NALCN: variants seen among roughly 807,000 people sequenced by gnomAD.
The protein encoded by NALCN is sodium leak channel NALCN.
A neutral mutation model predicts 225.3 loss-of-function variants in NALCN; 111 were observed. The observed-to-expected ratio is 0.49, with a 90% confidence interval of 0.42 to 0.58. The LOEUF (loss-of-function observed/expected upper bound fraction) is 0.58, where lower values mean the gene tolerates loss of function less well. Among genes scored for constraint, NALCN ranks in the 20% least tolerant of loss-of-function variants. The pLI, the probability that NALCN is intolerant of heterozygous loss-of-function variation, is 0.00. For missense variants in NALCN, 1,378 were observed against 2,202.4 expected, an observed-to-expected ratio of 0.63 and a Z score of 7.49; for synonymous variants, 764 against 769.0, an observed-to-expected ratio of 0.99 and a Z score of 0.11.
intron 18 of NALCN, among the ~76,000 whole-genome samples, chr13:101,120,274 G>C (rs933032400): frequency 2.0e-5 from 3 of 152,158 alleles, no homozygotes; most frequent in Admixed American, 2.0e-4. Flanking sequence ...CCAGGGCTGA[G>C]AGCTGAGCCT....
At chr13:101,232,015 A>G (rs1444251013) in intron 12 of NALCN, among the ~76,000 whole-genome samples, 1 of 146,018 alleles carries the variant, frequency 6.8e-6, no homozygotes, top group South Asian at 2.2e-4. Context: ...TTTTTTTTTA[A>G]TCCCCAACGG....
intron 13 of NALCN, among the ~76,000 whole-genome samples, chr13:101,226,737 C>T (rs2041158761): frequency 6.6e-6 from 1 of 152,208 alleles, no homozygotes. Context: ...CAGGGCACTG[C>T]CATTTCTGGA....
At chr13:101,218,591 A>G (rs1242377195) in intron 13 of NALCN, among the ~76,000 whole-genome samples, 1 of 151,906 alleles carries the variant, frequency 6.6e-6, no homozygotes, top group Non-Finnish European at 1.5e-5. Context: ...GCCTGATGGG[A>G]GTGATTAGAT....
At position 101,107,498 on chromosome 13, in the gene NALCN, T is replaced by C. The variant is rs771603487; in HGVS notation, c.2568A>G (p.Ala856=). The change falls in exon 22 of 44, where the codon GCA becomes GCG. Residue 856 remains alanine, a synonymous_variant. Transcript: ENST00000251127. ...FRNFCRVVVR[A]RFNASKTDPV... The stretch of plus-strand genomic sequence containing the variant: ...TGAAGTGTACTTACGCGTTGAAGCG[T>C]GCTCGGACCACCACCCGGCAAAAGT... The C allele has an allele frequency of 1.9e-5, 31 of 1,613,986 alleles. No individual in the cohort carries two copies. The highest frequency in any genetic ancestry group is 2.5e-5 in the Non-Finnish European group (29 of 1,179,982).
chr13:101,226,766 C>T (rs1165446941), intron 13 of NALCN, among the ~76,000 whole-genome samples: 1 of 152,218 alleles, frequency 6.6e-6, no homozygotes, highest in East Asian at 1.9e-4. Context: ...CAATTTATGA[C>T]TCAGCTCTGC....
At chr13:101,081,027 T>C (rs2139505676) in intron 34 of NALCN, among the ~76,000 whole-genome samples, 1 of 152,130 alleles carries the variant, frequency 6.6e-6, no homozygotes, top group African/African-American at 2.4e-5. Flanking sequence ...TTTAGAGAAG[T>C]GGAGGCTAAA....
intron 42 of NALCN, 102 bp from the exon 43 acceptor site, chr13:101,058,158 G>A (rs1416261526): frequency 1.1e-6 from 1 of 945,038 alleles, no homozygotes; most frequent in African/African-American, 1.6e-5. Context: ...CAAGTGGGAA[G>A]AACAACATGG....
At chr13:101,398,931 G>A (rs901707057) in intron 2 of NALCN, 88 bp downstream of exon 2, 23 of 819,932 alleles carry the variant, frequency 2.8e-5, no homozygotes, top group Admixed American at 8.0e-5. Context: ...CAGATATTTC[G>A]AAGCCAAAGG....
intron 15 of NALCN, among the ~76,000 whole-genome samples, chr13:101,149,068 C>T (rs1457251956): frequency 2.6e-5 from 4 of 152,026 alleles, no homozygotes; most frequent in Non-Finnish European, 5.9e-5. Context: ...CCGAGGTGGG[C>T]GGATCACGAG....
At position 101,405,086 on chromosome 13, in the gene NALCN, C is replaced by G. The variant is rs192149188; in HGVS notation, c.-39-5921G>C. On this transcript the variant is annotated intron_variant, in intron 1 of 43. Transcript: ENST00000251127. ...TTTTAGTTCCAATAGCCACAGAACT[C>G]AAAACAACAAACCACTAAAATCTAC... Among the ~76,000 whole-genome samples the G allele has an allele frequency of 4.6e-5, 7 of 152,262 alleles. No individual in the cohort carries two copies. In the East Asian group the frequency reaches 1.4e-3, roughly 29 times the overall value.
intron 1 of NALCN, 71 bp downstream of exon 1, chr13:101,416,242 C>T (rs923929398): frequency 6.6e-6 from 1 of 152,160 alleles, no homozygotes; most frequent in African/African-American, 2.4e-5. Flanking sequence ...GAGCGCGCAT[C>T]GCGGGCCTCG....
chr13:101,065,521 A>G lies in NALCN; in HGVS notation c.4487T>C (p.Leu1496Pro). ...PTFRVKFLLR[L>P]LRGRLEVDLD... Reference sequence around the variant, plus strand: ...GTCCACCTCCAGCCTCCCACGCAGTAGCCGCAGCAGGAACTTGACGCGGAA... The same window carrying G: ...GTCCACCTCCAGCCTCCCACGCAGTGGCCGCAGCAGGAACTTGACGCGGAA... Residue 1496 changes from leucine (L) to proline (P), a missense_variant, in exon 40 of 44, where the codon CTA becomes CCA. Coordinates refer to ENST00000251127, the MANE Select transcript of NALCN (RefSeq NM_052867.4). The G allele has an allele frequency of 6.2e-7, 1 of 1,614,170 alleles. No individual in the cohort carries two copies.
At position 101,299,280 on chromosome 13, in the gene NALCN, C is replaced by T. The variant is rs937742667; in HGVS notation, c.800-6914G>A. On this transcript the variant is annotated intron_variant, in intron 7 of 43. Coordinates refer to ENST00000251127, the MANE Select transcript of NALCN (RefSeq NM_052867.4). ...GGGGAAGGGAGGCTATCTCTGCTTG[C>T]GGAATAAGCCATTACAAAAGTACAT... Among the ~76,000 whole-genome samples, 9 of 152,082 alleles carry T rather than the reference C, an allele frequency of 5.9e-5. No homozygotes were observed. The South Asian group carries it at 1.0e-3, about 18-fold the overall frequency.
chr13:101,286,416 C>T (rs1227919320), intron 9 of NALCN, among the ~76,000 whole-genome samples: 3 of 152,228 alleles, frequency 2.0e-5, no homozygotes, highest in Admixed American at 6.5e-5. Context: ...TCTTCCTGCT[C>T]TCTGGGATAT....
intron 7 of NALCN, among the ~76,000 whole-genome samples, chr13:101,311,486 G>C (rs938790163): frequency 2.7e-5 from 4 of 149,336 alleles, no homozygotes; most frequent in African/African-American, 7.5e-5. Flanking sequence ...GTATGATATT[G>C]GCTGTGGGTT....
chr13:101,169,693 T>C (rs995830352), intron 15 of NALCN, among the ~76,000 whole-genome samples: 19 of 152,190 alleles, frequency 1.2e-4, no homozygotes, highest in African/African-American at 3.6e-4. Flanking sequence ...AGCAAGGACA[T>C]TGGTTTAGGG....
chr13:101,219,857 G>T (rs1471326464), intron 13 of NALCN, among the ~76,000 whole-genome samples: 1 of 152,172 alleles, frequency 6.6e-6, no homozygotes, highest in Non-Finnish European at 1.5e-5. Context: ...GTGTAACTTT[G>T]TGTGGGTTAT....
intron 11 of NALCN, among the ~76,000 whole-genome samples, chr13:101,244,800 G>C (rs557806232): frequency 2.0e-5 from 3 of 152,148 alleles, no homozygotes; most frequent in Non-Finnish European, 4.4e-5. Flanking sequence ...TAAATTCAGA[G>C]GACTATAATA....
intron 7 of NALCN, among the ~76,000 whole-genome samples, chr13:101,309,482 T>C (rs1449144818): frequency 6.6e-6 from 1 of 152,188 alleles, no homozygotes; most frequent in Non-Finnish European, 1.5e-5. Flanking sequence ...ATACATTTCC[T>C]CATCTGTCAA....
Sources: gnomAD v4.1 joint callset for allele counts (sites outside exome capture counted in the v4.1 genomes callset) on GRCh38, gnomAD v4.1.1 for gene constraint, MANE v1.5 for transcripts, NCBI Gene and HGNC (gene_info 2026-07-23, HGNC 2026-07-21) for gene names.